AP2B1: variants seen among roughly 807,000 people sequenced by gnomAD.
The protein encoded by AP2B1 is adaptor related protein complex 2 subunit beta 1, also known as AP-2 complex subunit beta.
In AP2B1, 23 loss-of-function variants were observed where a neutral mutation model predicts 102.0. The observed-to-expected ratio is 0.23, with a 90% CI of 0.16 to 0.32. AP2B1 has a LOEUF of 0.32. Among genes scored for constraint, AP2B1 ranks in the 10% least tolerant of loss-of-function variants. The probability of loss-of-function intolerance (pLI) is 1.00; values close to 1 mark genes in which losing one functional copy is unlikely to be tolerated. For synonymous variants in AP2B1, 381 were observed against 421.2 expected (o/e 0.90, Z 1.17); for missense variants, 541 against 1,157.4 (o/e 0.47, Z 7.73).
At chr17:35,669,448 G>A (rs12603142) in intron 14 of AP2B1, among the ~76,000 whole-genome samples, 5,067 of 152,180 alleles carry the variant, frequency 0.033, 202 homozygotes, top group East Asian at 0.14. Context: ...AGCCAAGGAT[G>A]ATCTTTTTAT....
intron 2 of AP2B1, chr17:35,597,261 A>G (rs2073321642): frequency 3.0e-6 from 1 of 337,396 alleles, no homozygotes; most frequent in Non-Finnish European, 5.5e-6. Context: ...GAAAGTTGAG[A>G]TGGGAGTAGT....
At chr17:35,694,069 G>A (rs1294930675) in intron 18 of AP2B1, among the ~76,000 whole-genome samples, 1 of 152,150 alleles carries the variant, frequency 6.6e-6, no homozygotes, top group African/African-American at 2.4e-5. Context: ...TGAAAAATCA[G>A]TTATGTTCAT....
intron 17 of AP2B1, among the ~76,000 whole-genome samples, chr17:35,677,700 T>C (rs1247848023): frequency 6.6e-6 from 1 of 152,260 alleles, no homozygotes; most frequent in East Asian, 1.9e-4. Flanking sequence ...TGAGGGAGAA[T>C]TGACATCTAA....
At chr17:35,611,887 ATAT>A (rs1184778488) in intron 5 of AP2B1, among the ~76,000 whole-genome samples, 2 of 152,220 alleles carry the variant, frequency 1.3e-5, no homozygotes, top group African/African-American at 2.4e-5. Flanking sequence ...GTATATCATA[ATAT>A]TATAGTAAAC....
chr17:35,591,424 C>T (rs916397023), intron 1 of AP2B1, among the ~76,000 whole-genome samples: 3 of 152,132 alleles, frequency 2.0e-5, no homozygotes, highest in Admixed American at 6.5e-5. Flanking sequence ...CCGCACGCCT[C>T]GTCCTCCCAA....
chr17:35,654,283 C>T lies in AP2B1; in HGVS notation c.1797-3316C>T, dbSNP rs540458601. Among the ~76,000 whole-genome samples the T allele has an allele frequency of 9.2e-5, 14 of 152,092 alleles. No homozygotes were observed. In the South Asian group the frequency reaches 2.9e-3, roughly 32 times the overall value. On this transcript the variant is annotated intron_variant, in intron 13 of 21. Coordinates refer to ENST00000610402, the MANE Select transcript of AP2B1 (RefSeq NM_001030006.2). The stretch of plus-strand genomic sequence containing the variant: ...TTCACAATGTTGGTCAGGCTGGTCT[C>T]AAACTCCTGACCTCAGGTGATCTGC...
intron 14 of AP2B1, among the ~76,000 whole-genome samples, chr17:35,658,913 A>G (rs1439988522): frequency 6.6e-6 from 1 of 152,190 alleles, no homozygotes; most frequent in East Asian, 1.9e-4. Context: ...TGGGTTGTGC[A>G]TTTTACTAAT....
At chr17:35,707,134 C>CTTGTTGTTGTTG (rs71366478) in intron 18 of AP2B1, among the ~76,000 whole-genome samples, 46 of 150,980 alleles carry the variant, frequency 3.0e-4, no homozygotes, top group African/African-American at 9.0e-4. Context: ...TGGTACATCC[C>CTTGTTGTTGTTG]TTGTTGTTGT....
At chr17:35,610,721 C>T (rs1037423202) in intron 5 of AP2B1, among the ~76,000 whole-genome samples, 3 of 151,596 alleles carry the variant, frequency 2.0e-5, no homozygotes, top group African/African-American at 4.8e-5. Flanking sequence ...TCCTGGCTAA[C>T]GCGGTGAATC....
chr17:35,637,520 C>G (rs9890191), intron 10 of AP2B1, among the ~76,000 whole-genome samples: 21,230 of 151,898 alleles, frequency 0.14, 1,859 homozygotes, highest in East Asian at 0.34. Flanking sequence ...AATGAAGCAG[C>G]TTGTAGTAAG....
At chr17:35,667,108 G>A (rs1169404139) in intron 14 of AP2B1, among the ~76,000 whole-genome samples, 2 of 152,028 alleles carry the variant, frequency 1.3e-5, no homozygotes, top group Non-Finnish European at 2.9e-5. Context: ...TTTATCACTT[G>A]TAGATAGGAG....
intron 1 of AP2B1, among the ~76,000 whole-genome samples, chr17:35,591,171 CAAAAAAAAAAAAA>C (rs35271211): frequency 8.7e-5 from 6 of 68,936 alleles, no homozygotes; most frequent in Admixed American, 4.7e-4. Flanking sequence ...GATTTTGTCT[CAAAAAAAAAAAAA>C]AAAAAAAAAG....
chr17:35,621,064 ATAT>A (rs1246643669), intron 5 of AP2B1, among the ~76,000 whole-genome samples: 4 of 152,164 alleles, frequency 2.6e-5, no homozygotes, highest in African/African-American at 7.2e-5. Flanking sequence ...TTCTTTTGTG[ATAT>A]TATTGTCTAG....
chr17:35,653,963 T>G (rs1454694030), intron 13 of AP2B1, among the ~76,000 whole-genome samples: 2 of 152,252 alleles, frequency 1.3e-5, no homozygotes, highest in Non-Finnish European at 2.9e-5. Context: ...CCCCTGTGAT[T>G]ATTAGCTAAT....
At chr17:35,674,837 G>A (rs2075667098) in intron 17 of AP2B1, among the ~76,000 whole-genome samples, 1 of 152,202 alleles carries the variant, frequency 6.6e-6, no homozygotes, top group South Asian at 2.1e-4. Flanking sequence ...ATCCAAATGC[G>A]ATGAAGAAAC....
chr17:35,599,075 AG>A (rs1403836931), intron 3 of AP2B1, among the ~76,000 whole-genome samples: 2 of 152,264 alleles, frequency 1.3e-5, no homozygotes, highest in African/African-American at 4.8e-5. Context: ...AGTTTCACTT[AG>A]GAATGTCCTT....
At chr17:35,652,312 G>A (rs1006759217) in intron 13 of AP2B1, among the ~76,000 whole-genome samples, 1 of 152,144 alleles carries the variant, frequency 6.6e-6, no homozygotes, top group African/African-American at 2.4e-5. Flanking sequence ...GTCTGTAATA[G>A]TATTGACATT....
chr17:35,705,616 G>A (rs1265529122), intron 18 of AP2B1, among the ~76,000 whole-genome samples: 2 of 152,068 alleles, frequency 1.3e-5, no homozygotes, highest in African/African-American at 4.8e-5. Flanking sequence ...CTGCCTCCTG[G>A]GTTCAACTGA....
chr17:35,674,085 G>T, intron 16 of AP2B1, 91 bp from the exon 17 acceptor site: 1 of 1,320,404 alleles, frequency 7.6e-7, no homozygotes, highest in Non-Finnish European at 1.0e-6. Flanking sequence ...TCACTTAATT[G>T]TTAATCTTAA....
Sources: allele counts gnomAD v4.1 joint callset (sites outside exome capture counted in the v4.1 genomes callset), GRCh38; gene constraint gnomAD v4.1.1; transcripts MANE v1.5; gene names NCBI Gene and HGNC (gene_info 2026-07-23, HGNC 2026-07-21).